ANKRD33B: variants seen among roughly 807,000 people sequenced by gnomAD.
ANKRD33B encodes the protein ankyrin repeat domain-containing protein 33B.
ANKRD33B carries 6 observed loss-of-function variants against 21.5 expected under a neutral mutation model. That is an observed-to-expected ratio of 0.28 (90% CI 0.15 to 0.55). The LOEUF is 0.55. Ranked by LOEUF, ANKRD33B falls within the 20% of genes least tolerant of loss-of-function variation. ANKRD33B has a pLI of 0.94. For synonymous variants in ANKRD33B, 347 were observed against 342.4 expected, an observed-to-expected ratio of 1.01 and a Z score of -0.15; for missense variants, 698 against 747.2, an observed-to-expected ratio of 0.93 and a Z score of 0.77.
intron 1 of ANKRD33B, among the ~76,000 whole-genome samples, chr5:10,569,511 G>T (rs1274453387): frequency 6.6e-6 from 1 of 152,090 alleles, no homozygotes; most frequent in Non-Finnish European, 1.5e-5. Context: ...CAGGAGACTC[G>T]CTTGAGCCCA....
rs1435937207 is a variant in ANKRD33B, at chr5:10,564,613, C to A, written c.146C>A (p.Thr49Asn). 1.3e-6 allele frequency: 2 copies of A among 1,534,984 alleles called. No individual in the cohort carries two copies. Among genetic ancestry groups the A allele is most frequent in the Admixed American group, 3.9e-5 (2 of 51,008 alleles). The change falls in exon 1 of 4, where the codon ACC becomes AAC. Residue 49 changes from threonine to asparagine, a missense_variant. Thr to Asn is a moderately conservative substitution (Grantham distance 65). Transcript: ENST00000296657. ...EFEDFSSLPDTRSIASDDSFY... is the reference protein window; with the variant it reads ...EFEDFSSLPDNRSIASDDSFY... ...GAGGACTTCTCGAGTCTGCCAGACA[C>A]CCGCAGCATCGCCTCGGACGACTCT...
In ANKRD33B at chr5:10,652,318, C is replaced by G. The variant is rs539436042; in HGVS notation, c.*2205C>G. ...GAGCGCCCTAAAGCTCCGCAGGTAACTGCACTGCAGCCCGCATTGAGAACC... is the reference window on the plus strand; with the variant it reads ...GAGCGCCCTAAAGCTCCGCAGGTAAGTGCACTGCAGCCCGCATTGAGAACC... On this transcript the variant is annotated 3_prime_UTR_variant, in exon 4 of 4. Coordinates refer to ENST00000296657, the MANE Select transcript of ANKRD33B (RefSeq NM_001164440.2). This position sits in a 1 kb window ranked among gnomAD's most constrained non-coding sequence, Gnocchi z 4.1. 4.6e-5 allele frequency: 7 copies of G among 152,572 alleles called. No homozygotes were observed. The highest frequency in any genetic ancestry group is 1.7e-4 in the African/African-American group (7 of 41,592). 9.5% of individuals were successfully genotyped at this position (152,572 alleles called of 1,614,324 possible). A position where few individuals can be genotyped will look rare whatever the true frequency, so the allele number is the denominator to read the frequency against.
intron 1 of ANKRD33B, among the ~76,000 whole-genome samples, chr5:10,578,260 G>A (rs970380778): frequency 5.9e-5 from 9 of 152,206 alleles, no homozygotes; most frequent in African/African-American, 2.2e-4. Context: ...AACTGGGATG[G>A]TTAGTCAACC....
At chr5:10,581,825 T>C (rs1448740337) in intron 1 of ANKRD33B, among the ~76,000 whole-genome samples, 1 of 152,214 alleles carries the variant, frequency 6.6e-6, no homozygotes, top group East Asian at 1.9e-4. Context: ...CTGCCTGAGT[T>C]TCCAGCCTGC....
chr5:10,602,137 G>A (rs1396626736), intron 1 of ANKRD33B, among the ~76,000 whole-genome samples: 2 of 152,262 alleles, frequency 1.3e-5, no homozygotes, highest in African/African-American at 4.8e-5. Flanking sequence ...TGTCCCCGAA[G>A]GGGTGACTGA....
chr5:10,637,511 C>T (rs1199555616), intron 2 of ANKRD33B, among the ~76,000 whole-genome samples: 1 of 132,952 alleles, frequency 7.5e-6, no homozygotes, highest in Non-Finnish European at 1.7e-5. Context: ...GAGAGAGACT[C>T]CTGCTTCTGG....
At chr5:10,613,441 C>A (rs1297790508) in intron 1 of ANKRD33B, among the ~76,000 whole-genome samples, 1 of 151,948 alleles carries the variant, frequency 6.6e-6, no homozygotes, top group Non-Finnish European at 1.5e-5. Flanking sequence ...CCTGCCACCA[C>A]GCCCAGCTAA....
chr5:10,579,192 CCTT>C (rs1735386228), intron 1 of ANKRD33B, among the ~76,000 whole-genome samples: 1 of 150,676 alleles, frequency 6.6e-6, no homozygotes, highest in East Asian at 1.9e-4. Flanking sequence ...GATACTCTCT[CCTT>C]TTTTTTTTAA....
At chr5:10,634,596 A>T (rs1490556859) in intron 2 of ANKRD33B, among the ~76,000 whole-genome samples, 1 of 151,658 alleles carries the variant, frequency 6.6e-6, no homozygotes, top group African/African-American at 2.4e-5. Context: ...AGTAGCTGAG[A>T]ATATAGGCAT....
At chr5:10,634,705 C>G (rs11744152) in intron 2 of ANKRD33B, among the ~76,000 whole-genome samples, 1 of 151,228 alleles carries the variant, frequency 6.6e-6, no homozygotes, top group Admixed American at 6.6e-5. Context: ...ATCTGCCTGC[C>G]TTGGCCTCCC....
intron 3 of ANKRD33B, among the ~76,000 whole-genome samples, chr5:10,642,648 A>G (rs1263470026): frequency 6.6e-6 from 1 of 152,226 alleles, no homozygotes; most frequent in Non-Finnish European, 1.5e-5. Flanking sequence ...TTCACAACAG[A>G]ACAGCCCTCG....
chr5:10,603,956 G>A (rs1249920646), intron 1 of ANKRD33B, among the ~76,000 whole-genome samples: 1 of 149,674 alleles, frequency 6.7e-6, no homozygotes, highest in Non-Finnish European at 1.5e-5. Flanking sequence ...GTGCAATGGT[G>A]CAATCTCGGC....
chr5:10,578,249 A>C (rs1257722285), intron 1 of ANKRD33B, among the ~76,000 whole-genome samples: 1 of 152,198 alleles, frequency 6.6e-6, no homozygotes, highest in Non-Finnish European at 1.5e-5. Context: ...TGTCCCCAGG[A>C]AACTGGGATG....
chr5:10,642,872 CT>C (rs1297954698), intron 3 of ANKRD33B, among the ~76,000 whole-genome samples: 6 of 151,842 alleles, frequency 4.0e-5, no homozygotes, highest in Non-Finnish European at 2.9e-5. Flanking sequence ...TTGTTTTTTG[CT>C]TTTTTGTTCT....
At chr5:10,604,386 T>A (rs982620964) in intron 1 of ANKRD33B, among the ~76,000 whole-genome samples, 3 of 149,764 alleles carry the variant, frequency 2.0e-5, no homozygotes, top group Non-Finnish European at 4.4e-5. Flanking sequence ...AGAGATGGGG[T>A]TTCGCCATGT....
At chr5:10,606,194 G>A (rs1027753813) in intron 1 of ANKRD33B, among the ~76,000 whole-genome samples, 3 of 152,178 alleles carry the variant, frequency 2.0e-5, no homozygotes, top group African/African-American at 7.2e-5. Context: ...AAATCCCAGC[G>A]AGAGGTTTGC....
At chr5:10,614,464 T>G (rs1300924334) in intron 1 of ANKRD33B, among the ~76,000 whole-genome samples, 2 of 152,252 alleles carry the variant, frequency 1.3e-5, no homozygotes, top group Non-Finnish European at 2.9e-5. Flanking sequence ...CTAGATGCCA[T>G]CTCACTGTCT....
chr5:10,644,576 C>T (rs1357890206), intron 3 of ANKRD33B, among the ~76,000 whole-genome samples: 2 of 152,146 alleles, frequency 1.3e-5, no homozygotes, highest in South Asian at 2.1e-4. Context: ...ATTTAAAGGA[C>T]GGCGAGGAAC....
At chr5:10,648,651 C>T (rs1329422409) in intron 3 of ANKRD33B, among the ~76,000 whole-genome samples, 9 of 152,098 alleles carry the variant, frequency 5.9e-5, no homozygotes, top group East Asian at 3.9e-4. Context: ...CCCAGCTACT[C>T]GGGAGGCTGA....
Sources: gnomAD v4.1 joint callset for allele counts (sites outside exome capture counted in the v4.1 genomes callset) on GRCh38, gnomAD v4.1.1 for gene constraint, Gnocchi (gnomAD v3.1) non-coding constraint, MANE v1.5 for transcripts, NCBI Gene and HGNC (gene_info 2026-07-23, HGNC 2026-07-21) for gene names.